BICRAL: variants seen among roughly 807,000 people sequenced by gnomAD.
BICRAL encodes BRD4-interacting chromatin-remodeling complex-associated protein-like.
BICRAL carries 8 observed loss-of-function variants against 91.8 expected under a neutral mutation model. The observed-to-expected ratio is 0.09, with a 90% CI of 0.05 to 0.16. The LOEUF (loss-of-function observed/expected upper bound fraction) is 0.16. Ranked by LOEUF, BICRAL falls within the 10% of genes least tolerant of loss-of-function variation. The probability of loss-of-function intolerance (pLI) is 1.00; values close to 1 mark genes in which losing one functional copy is unlikely to be tolerated. For synonymous variants in BICRAL, 445 were observed against 491.1 expected, an observed-to-expected ratio of 0.91 and a Z score of 1.24; for missense variants, 1,038 against 1,310.9, an observed-to-expected ratio of 0.79 and a Z score of 3.21.
intron 1 of BICRAL, among the ~76,000 whole-genome samples, chr6:42,783,976 A>G (rs878937006): frequency 6.6e-6 from 1 of 152,162 alleles, no homozygotes; most frequent in African/African-American, 2.4e-5. Context: ...AACTAAAAAA[A>G]AGAGTCCAGG....
rs555680694 is a variant in BICRAL at position 42,864,757 on chromosome 6, A to C, written c.2551A>C (p.Ser851Arg). The C allele has an allele frequency of 3.6e-5, 58 of 1,614,182 alleles. No individual in the cohort carries two copies. In the Middle Eastern group the frequency reaches 6.6e-4, roughly 18 times the overall value. ...RSDQHGSKAS[S>R]SLQPPAKAQG... ...TGACCAGCATGGCAGTAAAGCAAGC[A>C]GCTCTCTGCAACCGCCAGCCAAGGC... The change falls in exon 13 of 13, where the codon AGC (serine) becomes CGC (arginine). Residue 851 changes from serine to arginine, a missense_variant. By Grantham distance (110) the Ser-to-Arg change is moderately radical (BLOSUM62 -1). Coordinates refer to ENST00000314073, the MANE Select transcript of BICRAL (RefSeq NM_001393499.1).
intron 1 of BICRAL, among the ~76,000 whole-genome samples, chr6:42,767,921 A>G (rs1250415472): frequency 6.6e-6 from 1 of 152,182 alleles, no homozygotes; most frequent in Non-Finnish European, 1.5e-5. Context: ...CCGCATGGCA[A>G]GAGTGGAGAG....
In BICRAL at chr6:42,860,260, A is replaced by G; in HGVS notation, c.2255-2A>G. ...TATTTCTTTGTCTCTCTCTTTTTAA[A>G]GTGGACAATGAATTTGAGACAGTTG... On this transcript the variant is annotated splice_acceptor_variant, in intron 10 of 12. Transcript: ENST00000314073. LOFTEE classifies it high-confidence loss of function. 6.4e-7 allele frequency: 1 copy of G among 1,566,114 alleles called. No individual in the cohort carries two copies. Among genetic ancestry groups the G allele is most frequent in the Non-Finnish European group, 8.8e-7 (1 of 1,137,320 alleles).
chr6:42,834,794 A>G (rs1042693855), intron 6 of BICRAL, among the ~76,000 whole-genome samples: 1 of 152,182 alleles, frequency 6.6e-6, no homozygotes, highest in African/African-American at 2.4e-5. Context: ...AATTTCTGGC[A>G]AAACAAATGT....
intron 2 of BICRAL, among the ~76,000 whole-genome samples, chr6:42,814,540 T>A (rs1194528035): frequency 8.3e-6 from 1 of 120,380 alleles, no homozygotes; most frequent in Non-Finnish European, 1.7e-5. Flanking sequence ...TTTTTTTTTT[T>A]AGATGAAGTC....
At chr6:42,785,694 A>C (rs1046503013) in intron 1 of BICRAL, among the ~76,000 whole-genome samples, 15 of 152,230 alleles carry the variant, frequency 9.9e-5, no homozygotes, top group African/African-American at 3.4e-4. Flanking sequence ...AATTGTGGAC[A>C]TATCTTCTGG....
intron 11 of BICRAL, among the ~76,000 whole-genome samples, chr6:42,861,755 T>C (rs1765562239): frequency 6.6e-6 from 1 of 151,934 alleles, no homozygotes; most frequent in Admixed American, 6.6e-5. Flanking sequence ...TCCCAGCACT[T>C]TGGGAGGCCG....
intron 6 of BICRAL, among the ~76,000 whole-genome samples, chr6:42,845,093 C>G (rs1222684365): frequency 6.7e-6 from 1 of 148,532 alleles, no homozygotes; most frequent in Non-Finnish European, 1.5e-5. Context: ...ACACACTGAT[C>G]TATCATGTTT....
chr6:42,765,576 CTT>C (rs926386546), intron 1 of BICRAL, among the ~76,000 whole-genome samples: 3 of 152,180 alleles, frequency 2.0e-5, no homozygotes, highest in Non-Finnish European at 2.9e-5. Flanking sequence ...AATAGAAACT[CTT>C]TTCATCTGAA....
rs769958866 is a variant in BICRAL, at chr6:42,829,109, C to A, written c.776C>A (p.Thr259Asn). Residue 259 changes from threonine to asparagine, a missense_variant, in exon 6 of 13, where the codon ACT becomes AAT. This residue lies in a region of BICRAL where 532 missense variants were observed against 724.9 expected (regional missense o/e 0.73). Transcript: ENST00000314073. The part of the protein sequence containing the change: ...VSGGLLVHRQ[T>N]PNGNSLFGNS... ...GGAGGGCTCCTGGTTCATAGACAGA[C>A]TCCTAATGGCAACTCCTTGTTTGGG... 5 of 1,614,118 alleles carry A rather than the reference C, an allele frequency of 3.1e-6. No individual in the cohort carries two copies. In the Admixed American group the frequency reaches 8.3e-5, roughly 27 times the overall value.
chr6:42,757,237 A>G (rs1762475834), intron 1 of BICRAL, among the ~76,000 whole-genome samples: 1 of 149,406 alleles, frequency 6.7e-6, no homozygotes, highest in African/African-American at 2.5e-5. Flanking sequence ...CATGCTCTAT[A>G]TAAATAGTTT....
At chr6:42,863,565 G>A (rs563566838) in intron 12 of BICRAL, among the ~76,000 whole-genome samples, 8 of 152,288 alleles carry the variant, frequency 5.3e-5, no homozygotes, top group East Asian at 1.9e-4. Context: ...ATCTTCACCC[G>A]GAAAGTATGT....
chr6:42,853,184 A>G (rs1253199043), intron 7 of BICRAL, among the ~76,000 whole-genome samples: 2 of 151,386 alleles, frequency 1.3e-5, no homozygotes, highest in South Asian at 2.1e-4. Flanking sequence ...ATTATGGACT[A>G]TGTCTTCCGT....
At chr6:42,749,162 T>A (rs1762336505) in intron 1 of BICRAL, among the ~76,000 whole-genome samples, 2 of 152,232 alleles carry the variant, frequency 1.3e-5, no homozygotes, top group African/African-American at 4.8e-5. Context: ...AGATCCCCCT[T>A]TTAACTTTTT....
intron 8 of BICRAL, 149 bp from the exon 9 acceptor site, chr6:42,855,707 T>A (rs1581635533): frequency 4.9e-6 from 3 of 611,264 alleles, no homozygotes; most frequent in Middle Eastern, 4.1e-4. Context: ...CTGGTTTTTT[T>A]TTTTTTATTT....
chr6:42,759,951 G>A (rs1364226062), intron 1 of BICRAL, among the ~76,000 whole-genome samples: 1 of 152,136 alleles, frequency 6.6e-6, no homozygotes, highest in Non-Finnish European at 1.5e-5. Flanking sequence ...GCTTGTTAAA[G>A]AGATGATTTA....
intron 1 of BICRAL, among the ~76,000 whole-genome samples, chr6:42,797,576 C>G (rs115841533): frequency 5.3e-5 from 8 of 152,088 alleles, no homozygotes; most frequent in Non-Finnish European, 1.2e-4. Context: ...AGAGGACTTA[C>G]GTTTCAGAGG....
chr6:42,828,902 A>C lies in BICRAL; in HGVS notation c.569A>C (p.Gln190Pro). The change falls in exon 6 of 13, where the codon CAA becomes CCA. Residue 190 changes from glutamine (Q) to proline (P), a missense_variant. By Grantham distance (76) the Gln-to-Pro change is moderately conservative. Transcript: ENST00000314073. ...NTVGVQHGFM[Q>P]HVGISVPSQH... ...GTGGGTGTACAACATGGCTTTATGCAACATGTGGGGATCAGTGTTCCCAGC... is the reference window on the plus strand; with the variant it reads ...GTGGGTGTACAACATGGCTTTATGCCACATGTGGGGATCAGTGTTCCCAGC... The C allele has an allele frequency of 6.2e-7, 1 of 1,614,132 alleles. No homozygotes were observed.
At chr6:42,768,371 C>T (rs766501423) in intron 1 of BICRAL, among the ~76,000 whole-genome samples, 3 of 152,140 alleles carry the variant, frequency 2.0e-5, no homozygotes, top group African/African-American at 7.2e-5. Flanking sequence ...TTTACCCCAT[C>T]GATAGTAGTT....
Sources: gnomAD v4.1 joint callset for allele counts (sites outside exome capture counted in the v4.1 genomes callset) on GRCh38, gnomAD v4.1.1 for gene constraint, gnomAD v4.1.1 regional missense constraint, MANE v1.5 for transcripts, NCBI Gene and HGNC (gene_info 2026-07-23, HGNC 2026-07-21) for gene names.